The following PPA2 variants were observed in gnomAD, a reference collection of about 807,000 sequenced individuals.
PPA2 encodes inorganic pyrophosphatase 2.
PPA2 carries 48 observed loss-of-function variants against 49.5 expected under a neutral mutation model. The observed-to-expected ratio is 0.97, with a 90% CI of 0.77 to 1.23. The LOEUF is 1.23. PPA2 is among the 50% of genes most tolerant of loss of function. PPA2 has a pLI of 0.00. For missense variants in PPA2, 429 were observed against 410.1 expected, an observed-to-expected ratio of 1.05 and a Z score of -0.40; for synonymous variants, 131 against 139.9, an observed-to-expected ratio of 0.94 and a Z score of 0.45.
In PPA2 at chr4:105,399,075, C is replaced by T; in HGVS notation, c.745G>A (p.Glu249Lys). ...TCTCCATTAAAAGCAAACTGGTTTT[C>T]TGGTTTTCCATCTGGTACCTTATAT... ...RLYKVPDGKPENQFAFNGEFK... is the reference protein window; with the variant it reads ...RLYKVPDGKPKNQFAFNGEFK... The change falls in exon 8 of 12, where the codon GAA (glutamate) becomes AAA (lysine). Residue 249 changes from glutamate to lysine, a missense_variant. Glu to Lys is a moderately conservative substitution (Grantham distance 56). Transcript: ENST00000341695. The T allele has an allele frequency of 6.2e-7, 1 of 1,609,100 alleles. No homozygotes were observed. Among genetic ancestry groups the T allele is most frequent in the Non-Finnish European group, 8.5e-7 (1 of 1,178,896 alleles).
intron 1 of PPA2, among the ~76,000 whole-genome samples, chr4:105,473,130 T>C (rs1723594997): frequency 6.6e-6 from 1 of 152,182 alleles, no homozygotes; most frequent in South Asian, 2.1e-4. Context: ...CTATTTTCTG[T>C]TACGGTTAAC....
At chr4:105,456,658 C>T in intron 2 of PPA2, 23 bp downstream of exon 2, 1 of 1,563,540 alleles carries the variant, frequency 6.4e-7, no homozygotes, top group Non-Finnish European at 8.7e-7. Context: ...CGTTTTCATT[C>T]CCAAAACAAG....
chr4:105,390,516 T>G (rs1196215139), intron 9 of PPA2, among the ~76,000 whole-genome samples: 1 of 151,580 alleles, frequency 6.6e-6, no homozygotes, highest in African/African-American at 2.4e-5. Context: ...AGACATTTCT[T>G]GAAAGAAGAC....
intron 10 of PPA2, among the ~76,000 whole-genome samples, chr4:105,380,532 C>G (rs1033356916): frequency 1.3e-5 from 2 of 152,014 alleles, no homozygotes; most frequent in African/African-American, 4.8e-5. Flanking sequence ...TATGCAGAGA[C>G]CATTATAACA....
chr4:105,405,916 G>A (rs761563856), intron 7 of PPA2: 20 of 449,806 alleles, frequency 4.4e-5, no homozygotes, highest in Admixed American at 1.2e-4. Context: ...ATGACTATGC[G>A]ATTTATTGTA....
chr4:105,428,612 T>C (rs186616597), intron 6 of PPA2, among the ~76,000 whole-genome samples: 8 of 148,096 alleles, frequency 5.4e-5, no homozygotes, highest in Admixed American at 6.7e-5. Flanking sequence ...TAAGTGGGAG[T>C]TGAACAGTGA....
chr4:105,433,645 A>T (rs1238220866), intron 6 of PPA2, among the ~76,000 whole-genome samples: 1 of 152,234 alleles, frequency 6.6e-6, no homozygotes, highest in African/African-American at 2.4e-5. Context: ...AGACATTATA[A>T]ACAAAGAATT....
upstream of PPA2, chr4:105,474,066 C>T (rs764429148): frequency 8.5e-6 from 13 of 1,537,412 alleles, no homozygotes; most frequent in East Asian, 4.8e-5. Flanking sequence ...CAATGACGGT[C>T]CTGCTGTGCG....
intron 6 of PPA2, among the ~76,000 whole-genome samples, chr4:105,429,240 A>G (rs1723682538): frequency 6.6e-6 from 1 of 152,228 alleles, no homozygotes; most frequent in Admixed American, 6.5e-5. Flanking sequence ...TTTATTACCA[A>G]GAAAATTTGC....
intron 6 of PPA2, among the ~76,000 whole-genome samples, chr4:105,428,828 T>C (rs1364491841): frequency 6.6e-6 from 1 of 151,700 alleles, no homozygotes; most frequent in East Asian, 1.9e-4. Flanking sequence ...AAAAAATAAA[T>C]AAATAAACTG....
intron 10 of PPA2, among the ~76,000 whole-genome samples, chr4:105,371,341 A>G (rs1334559908): frequency 1.3e-5 from 2 of 152,238 alleles, no homozygotes; most frequent in African/African-American, 4.8e-5. Context: ...TTCTGAGAAC[A>G]GACAAGTTTG....
chr4:105,428,025 A>C (rs932070466), intron 6 of PPA2, among the ~76,000 whole-genome samples: 1 of 152,232 alleles, frequency 6.6e-6, no homozygotes, highest in African/African-American at 2.4e-5. Flanking sequence ...ACAAGCCAGA[A>C]GAGAGTGGGT....
rs187123838 is a variant in PPA2, at chr4:105,427,401, C to T, written c.529-3079G>A. Among the ~76,000 whole-genome samples, 12 of 152,106 alleles carry T rather than the reference C, an allele frequency of 7.9e-5. No homozygotes were observed. The East Asian group carries it at 2.1e-3, about 27-fold the overall frequency. ...GAAGGTCGATAATAACAAACTTCTC[C>T]GAGCTAGAGGAGCACGTTCTAACCC... On this transcript the variant is annotated intron_variant, in intron 6 of 11. Coordinates refer to ENST00000341695, the MANE Select transcript of PPA2 (RefSeq NM_176869.3).
In PPA2 at chr4:105,433,189, TA is replaced by T. The variant is rs576033278; in HGVS notation, c.528+4760del. On this transcript the variant is annotated intron_variant, in intron 6 of 11. Coordinates refer to ENST00000341695, the MANE Select transcript of PPA2 (RefSeq NM_176869.3). ...AGTATACACCTCATGAAGAATATCC[TA>T]AAGGATCAAAGACAAGGAATCAGAT... Among the ~76,000 whole-genome samples the T allele has an allele frequency of 5.0e-3, 759 of 152,238 alleles. 4 individuals carry two copies. Among genetic ancestry groups the T allele is most frequent in the Non-Finnish European group, 9.4e-3 (639 of 68,010 alleles).
chr4:105,448,575 T>A (rs1307104348), intron 4 of PPA2, among the ~76,000 whole-genome samples: 70 of 131,036 alleles, frequency 5.3e-4, no homozygotes, highest in South Asian at 1.5e-3. Context: ...CGGAAAAATT[T>A]AAAAAAAAAA....
intron 10 of PPA2, among the ~76,000 whole-genome samples, chr4:105,380,794 T>G (rs541630064): frequency 6.7e-4 from 102 of 152,186 alleles, no homozygotes; most frequent in African/African-American, 2.4e-3. Flanking sequence ...TGGTACATAC[T>G]ATATGTGTCC....
intron 7 of PPA2, among the ~76,000 whole-genome samples, chr4:105,419,931 C>T (rs904346113): frequency 6.6e-6 from 1 of 151,266 alleles, no homozygotes; most frequent in African/African-American, 2.4e-5. Context: ...ACAAACCATG[C>T]CAAATAACAG....
intron 3 of PPA2, 43 bp from the exon 4 acceptor site, chr4:105,449,446 AC>A: frequency 1.5e-6 from 2 of 1,350,812 alleles, no homozygotes; most frequent in Non-Finnish European, 2.1e-6. Context: ...TAAAAATTTT[AC>A]CTTTTATTTT....
At chr4:105,445,953 T>G (rs1722362613) in intron 5 of PPA2, among the ~76,000 whole-genome samples, 1 of 152,130 alleles carries the variant, frequency 6.6e-6, no homozygotes, top group Non-Finnish European at 1.5e-5. Flanking sequence ...TACAATGAGT[T>G]CCAGGAAAAA....
Sources: gnomAD v4.1 joint callset for allele counts (sites outside exome capture counted in the v4.1 genomes callset) on GRCh38, gnomAD v4.1.1 for gene constraint, MANE v1.5 for transcripts, NCBI Gene and HGNC (gene_info 2026-07-23, HGNC 2026-07-21) for gene names.